Variants in USH2A observed in about 807,000 individuals in gnomAD.
USH2A encodes the protein Usher syndrome 2A (autosomal recessive, mild).
A neutral mutation model predicts 538.9 loss-of-function variants in USH2A; 443 were observed. The ratio of observed to expected loss-of-function variants is 0.82; its 90% CI spans 0.76 to 0.89. USH2A has a LOEUF of 0.89. Ranked by LOEUF, USH2A falls within the 40% of genes least tolerant of loss-of-function variation. The pLI is 0.00. For synonymous variants in USH2A, 2,413 were observed against 2,273.5 expected (o/e 1.06, Z -1.75); for missense variants, 6,633 against 6,324.8 (o/e 1.05, Z -1.65).
intron 64 of USH2A, among the ~76,000 whole-genome samples, chr1:215,651,663 TG>T (rs911936901): frequency 1.3e-5 from 2 of 148,862 alleles, no homozygotes; most frequent in African/African-American, 4.9e-5. Flanking sequence ...CATGCAGTAT[TG>T]AAAAAAAAAA....
intron 9 of USH2A, among the ~76,000 whole-genome samples, chr1:216,299,537 TAA>T (rs778781969): frequency 6.6e-6 from 1 of 152,248 alleles, no homozygotes; most frequent in East Asian, 1.9e-4. Context: ...GGTTTACAGA[TAA>T]AGTTTATAAC....
At chr1:215,707,601 C>A (rs1201208149) in intron 61 of USH2A, among the ~76,000 whole-genome samples, 4 of 152,218 alleles carry the variant, frequency 2.6e-5, no homozygotes, top group African/African-American at 9.6e-5. Context: ...TTAAATTTGA[C>A]TTTATAGTTT....
In USH2A at chr1:215,965,430, A is replaced by G. The variant is rs368236955; in HGVS notation, c.7007T>C (p.Phe2336Ser). ...EAPPEGTVNV[F>S]VKTQGSRKAH... ...TTTCCGGGATCCCTGTGTTTTGACA[A>G]ACACATTTACTGTTCCTTCAGGAGG... Residue 2336 changes from phenylalanine to serine, a missense_variant, in exon 37 of 72, where the codon TTT becomes TCT. Transcript: ENST00000307340. 2.5e-6 allele frequency: 4 copies of G among 1,613,696 alleles called. No homozygotes were observed. The highest frequency in any genetic ancestry group is 2.5e-6 in the Non-Finnish European group (3 of 1,179,822).
intron 35 of USH2A, among the ~76,000 whole-genome samples, chr1:215,980,122 A>G (rs1240713244): frequency 6.6e-6 from 1 of 152,238 alleles, no homozygotes; most frequent in Non-Finnish European, 1.5e-5. Context: ...GCAGGGGAGC[A>G]TGCCAGGTAA....
intron 11 of USH2A, among the ~76,000 whole-genome samples, chr1:216,283,283 G>A (rs1190529689): frequency 6.6e-6 from 1 of 151,976 alleles, no homozygotes; most frequent in Non-Finnish European, 1.5e-5. Context: ...ATAGAGATGG[G>A]GTTTCACCAT....
intron 38 of USH2A, among the ~76,000 whole-genome samples, chr1:215,934,199 G>T (rs1228851319): frequency 2.0e-5 from 3 of 151,912 alleles, no homozygotes. Context: ...GTATACAATT[G>T]AACTAGTTAT....
intron 3 of USH2A, among the ~76,000 whole-genome samples, chr1:216,416,124 C>T (rs2039573164): frequency 2.0e-5 from 3 of 152,028 alleles, no homozygotes; most frequent in Admixed American, 2.0e-4. Flanking sequence ...CAAGATCATG[C>T]CATTGCACTC....
intron 11 of USH2A, among the ~76,000 whole-genome samples, chr1:216,281,494 C>T (rs562269119): frequency 2.6e-5 from 4 of 152,188 alleles, no homozygotes; most frequent in East Asian, 1.9e-4. Flanking sequence ...ATTCTTCGTC[C>T]GTCTTCCTTT....
At chr1:216,171,395 A>G (rs147202241) in intron 21 of USH2A, among the ~76,000 whole-genome samples, 35 of 152,170 alleles carry the variant, frequency 2.3e-4, no homozygotes, top group African/African-American at 7.9e-4. Context: ...TAATTTTACT[A>G]TTTTCAATAG....
At chr1:216,196,192 C>A (rs936434266) in intron 19 of USH2A, among the ~76,000 whole-genome samples, 7 of 151,860 alleles carry the variant, frequency 4.6e-5, no homozygotes, top group Non-Finnish European at 1.5e-5. Flanking sequence ...AGAATTAATA[C>A]AATACAATAT....
intron 14 of USH2A, among the ~76,000 whole-genome samples, chr1:216,219,533 C>T (rs899799746): frequency 3.9e-4 from 59 of 152,016 alleles, no homozygotes; most frequent in African/African-American, 1.3e-3. Context: ...AGAGTACCTC[C>T]TAAATGAAAT....
In USH2A at chr1:215,804,751, A is replaced by G. The variant is rs1219803309; in HGVS notation, c.9740-5626T>C. On this transcript the variant is annotated intron_variant, in intron 49 of 71. Transcript: ENST00000307340. ...CGATTCCTCAGGGATCTTGAACTAG[A>G]AATACCATTTGACCCAGCCATCCCA... is the stretch of plus-strand genomic sequence containing the variant. Among the ~76,000 whole-genome samples, 5 of 152,132 alleles carry G rather than the reference A, an allele frequency of 3.3e-5. No homozygotes were observed. The East Asian group carries it at 9.7e-4, about 29-fold the overall frequency.
chr1:215,903,392 G>A (rs1007431235), intron 38 of USH2A, among the ~76,000 whole-genome samples: 3 of 152,066 alleles, frequency 2.0e-5, no homozygotes, highest in Admixed American at 1.3e-4. Flanking sequence ...AGAAAATGGG[G>A]CAGCAGCTAG....
intron 60 of USH2A, among the ~76,000 whole-genome samples, chr1:215,738,718 C>T (rs1442795548): frequency 6.6e-6 from 1 of 152,028 alleles, no homozygotes; most frequent in Non-Finnish European, 1.5e-5. Context: ...TACAAGTGGG[C>T]TTCCTGCAAG....
At chr1:216,317,246 C>T (rs1201156726) in intron 9 of USH2A, among the ~76,000 whole-genome samples, 2 of 152,078 alleles carry the variant, frequency 1.3e-5, no homozygotes, top group Non-Finnish European at 2.9e-5. Flanking sequence ...TTTGCAGGGA[C>T]ATGAATAGAG....
chr1:216,226,918 T>C (rs2035573940), intron 14 of USH2A, among the ~76,000 whole-genome samples: 1 of 152,206 alleles, frequency 6.6e-6, no homozygotes, highest in African/African-American at 2.4e-5. Context: ...CTGGGTAGAC[T>C]GTCTCTTCTC....
intron 44 of USH2A, among the ~76,000 whole-genome samples, chr1:215,847,149 C>T (rs914928590): frequency 2.6e-5 from 4 of 152,148 alleles, no homozygotes; most frequent in African/African-American, 9.7e-5. Flanking sequence ...TTTCCTTAGG[C>T]TCTGCTTCTC....
At chr1:216,096,752 A>G (rs2032450398) in intron 22 of USH2A, among the ~76,000 whole-genome samples, 1 of 152,208 alleles carries the variant, frequency 6.6e-6, no homozygotes, top group Non-Finnish European at 1.5e-5. Context: ...AAAAGGGGAC[A>G]TGATTTTTTG....
At chr1:215,765,984 C>T (rs1220480174) in intron 56 of USH2A, among the ~76,000 whole-genome samples, 1 of 152,128 alleles carries the variant, frequency 6.6e-6, no homozygotes, top group African/African-American at 2.4e-5. Flanking sequence ...CAGTTTCTGG[C>T]ATAAATGATG....
Sources: gnomAD v4.1 joint callset for allele counts (sites outside exome capture counted in the v4.1 genomes callset) on GRCh38, gnomAD v4.1.1 for gene constraint, MANE v1.5 for transcripts, NCBI Gene and HGNC (gene_info 2026-07-23, HGNC 2026-07-21) for gene names.